The following TTLL2 variants were observed in gnomAD, a reference collection of about 807,000 sequenced individuals.
TTLL2 encodes probable tubulin polyglutamylase TTLL2.
Under a neutral mutation model 7.5 loss-of-function variants are expected in TTLL2, and 10 were observed. That is an observed-to-expected ratio of 1.33 (90% confidence interval 0.82 to 2.25). The LOEUF (loss-of-function observed/expected upper bound fraction) is 2.25. TTLL2 is among the 30% of genes most tolerant of loss of function. TTLL2 has a pLI of 0.00. For synonymous variants in TTLL2, 284 were observed against 280.3 expected, an observed-to-expected ratio of 1.01 and a Z score of -0.13; for missense variants, 733 against 735.7, an observed-to-expected ratio of 1.00 and a Z score of 0.04.
intron 1 of TTLL2, among the ~76,000 whole-genome samples, chr6:167,327,092 A>T (rs1389104757): frequency 6.6e-6 from 1 of 152,198 alleles, no homozygotes; most frequent in Non-Finnish European, 1.5e-5. Flanking sequence ...CAACTTTTTG[A>T]ATCTTTGGTC....
intron 1 of TTLL2, among the ~76,000 whole-genome samples, chr6:167,325,641 G>A (rs1444510381): frequency 6.6e-6 from 1 of 152,156 alleles, no homozygotes; most frequent in Non-Finnish European, 1.5e-5. Context: ...ACAGATGCTA[G>A]GGTTATGAGA....
Position 167,341,689 on chromosome 6 carries a change from A to G in TTLL2, c.*10A>G. On this transcript the variant is annotated 3_prime_UTR_variant, in exon 3 of 3. Transcript: ENST00000239587. The stretch of plus-strand genomic sequence containing the variant: ...TAAGCAACATTCCTAAGTGGTAAAA[A>G]ATCAAATCAAGAAAAAGTGACATGG... 6.3e-7 allele frequency: 1 copy of G among 1,578,108 alleles called. No homozygotes were observed. The highest frequency in any genetic ancestry group is 8.6e-7 in the Non-Finnish European group (1 of 1,166,524).
chr6:167,338,940 C>T, intron 2 of TTLL2, 137 bp downstream of exon 2: 1 of 866,844 alleles, frequency 1.2e-6, no homozygotes, highest in Non-Finnish European at 1.7e-6. Flanking sequence ...CCTTCCTTCC[C>T]TTCCTCCTTC....
chr6:167,333,143 T>A, intron 1 of TTLL2, among the ~76,000 whole-genome samples: 1 of 122,634 alleles, frequency 8.2e-6, no homozygotes, highest in Non-Finnish European at 1.7e-5. Flanking sequence ...TGAGAGTTTT[T>A]AGCATGAAGC....
At chr6:167,331,713 T>G (rs931580536) in intron 1 of TTLL2, among the ~76,000 whole-genome samples, 2 of 152,254 alleles carry the variant, frequency 1.3e-5, no homozygotes, top group East Asian at 3.9e-4. Context: ...CTTAGGAGTA[T>G]GCACCTGTAA....
chr6:167,326,765 G>T (rs1475655886), intron 1 of TTLL2, among the ~76,000 whole-genome samples: 6 of 152,194 alleles, frequency 3.9e-5, no homozygotes, highest in African/African-American at 1.4e-4. Flanking sequence ...GCTGTCGTTA[G>T]TGTGAGTGTA....
In TTLL2 at chr6:167,325,169, G is replaced by C. The variant is rs367589735; in HGVS notation, c.-5G>C. 13 of 1,577,174 alleles carry C rather than the reference G, an allele frequency of 8.2e-6. No homozygotes were observed. Among genetic ancestry groups the C allele is most frequent in the Non-Finnish European group, 1.0e-5 (12 of 1,162,436 alleles). ...CACAGAGGCCACCCTCGGAACCAGC[G>C]CCCAATGAGAGGGCGGGACCTGTGT... On this transcript the variant is annotated 5_prime_UTR_variant, in exon 1 of 3. Coordinates refer to ENST00000239587, the MANE Select transcript of TTLL2 (RefSeq NM_031949.5).
At chr6:167,337,663 G>A (rs1779006829) in intron 1 of TTLL2, among the ~76,000 whole-genome samples, 1 of 151,964 alleles carries the variant, frequency 6.6e-6, no homozygotes, top group Non-Finnish European at 1.5e-5. Flanking sequence ...AGGGAGCTGT[G>A]ATCAGATAAC....
At chr6:167,331,976 T>G (rs541272400) in intron 1 of TTLL2, among the ~76,000 whole-genome samples, 1 of 152,224 alleles carries the variant, frequency 6.6e-6, no homozygotes, top group Non-Finnish European at 1.5e-5. Context: ...CATTCGTTGC[T>G]CAACTAAACT....
At chr6:167,334,235 C>A (rs1778958284) in intron 1 of TTLL2, among the ~76,000 whole-genome samples, 1 of 148,204 alleles carries the variant, frequency 6.7e-6, no homozygotes, top group South Asian at 2.2e-4. Flanking sequence ...TGTTCAGTTT[C>A]CATGTAGTTG....
chr6:167,331,659 A>G (rs1562370387), intron 1 of TTLL2, among the ~76,000 whole-genome samples: 2 of 152,156 alleles, frequency 1.3e-5, no homozygotes. Flanking sequence ...CCGTACTTTT[A>G]TATTTGAGTC....
intron 1 of TTLL2, chr6:167,328,406 C>T: frequency 3.5e-6 from 1 of 287,546 alleles, no homozygotes; most frequent in East Asian, 7.8e-5. Flanking sequence ...GGGGGCTCTT[C>T]CCCCTTCCTA....
intron 1 of TTLL2, among the ~76,000 whole-genome samples, chr6:167,337,908 A>G (rs1779011379): frequency 6.6e-6 from 1 of 152,004 alleles, no homozygotes. Context: ...AATGCACACA[A>G]CATACACAGC....
intron 1 of TTLL2, among the ~76,000 whole-genome samples, chr6:167,326,629 C>T (rs1412575858): frequency 1.3e-5 from 2 of 152,160 alleles, no homozygotes; most frequent in African/African-American, 2.4e-5. Context: ...CCAAGCTTGT[C>T]CAATCCGAAG....
intron 1 of TTLL2, among the ~76,000 whole-genome samples, chr6:167,337,421 C>T (rs118151835): frequency 0.015 from 2,321 of 152,214 alleles, 82 homozygotes; most frequent in Admixed American, 0.087. Flanking sequence ...GGACGGCGCT[C>T]GCTGACCAGG....
chr6:167,338,167 C>T (rs1217325056), intron 1 of TTLL2, among the ~76,000 whole-genome samples: 2 of 151,542 alleles, frequency 1.3e-5, no homozygotes, highest in Non-Finnish European at 2.9e-5. Flanking sequence ...CATAAACACA[C>T]AGCACATACA....
chr6:167,338,661 C>T lies in TTLL2; in HGVS notation c.62C>T (p.Thr21Ile). The change falls in exon 2 of 3, where the codon ACC becomes ATC. Residue 21 changes from threonine to isoleucine, a missense_variant. Physicochemically the swap from Thr to Ile is moderately conservative, Grantham distance 89. Coordinates refer to ENST00000239587, the MANE Select transcript of TTLL2 (RefSeq NM_031949.5). ...TTTGTTCACAGATCTTTGAGAACCA[C>T]CACCCCAGCCTTTACCCTTAACATT... is the stretch of plus-strand genomic sequence containing the variant. Reference protein sequence around the residue: ...QSQALGSLRTTTPAFTLNIPS... With the variant: ...QSQALGSLRTITPAFTLNIPS... 1 of 1,613,250 alleles carries T rather than the reference C, an allele frequency of 6.2e-7. No homozygotes were observed.
intron 1 of TTLL2, among the ~76,000 whole-genome samples, chr6:167,326,002 A>C (rs1251945049): frequency 6.6e-6 from 1 of 152,146 alleles, no homozygotes; most frequent in South Asian, 2.1e-4. Context: ...TAGCCTCCAC[A>C]CCGCAGGCAG....
chr6:167,339,765 C>G (rs559891488), intron 2 of TTLL2, among the ~76,000 whole-genome samples: 1 of 152,192 alleles, frequency 6.6e-6, no homozygotes, highest in African/African-American at 2.4e-5. Context: ...ACTTTTTAGG[C>G]CAACAGGACG....
Sources: gnomAD v4.1 joint callset for allele counts (sites outside exome capture counted in the v4.1 genomes callset) on GRCh38, gnomAD v4.1.1 for gene constraint, MANE v1.5 for transcripts, NCBI Gene and HGNC (gene_info 2026-07-23, HGNC 2026-07-21) for gene names.